EIF4G3: variants seen among roughly 807,000 people sequenced by gnomAD.
The protein encoded by EIF4G3 is eIF-4-gamma 3.
Under a neutral mutation model 186.4 loss-of-function variants are expected in EIF4G3, and 34 were observed. The ratio of observed to expected loss-of-function variants is 0.18; its 90% CI spans 0.14 to 0.24. The LOEUF (loss-of-function observed/expected upper bound fraction) is 0.24. Ranked by LOEUF, EIF4G3 falls within the 10% of genes least tolerant of loss-of-function variation. The pLI, the probability that EIF4G3 is intolerant of heterozygous loss-of-function variation, is 1.00. For synonymous variants in EIF4G3, 673 were observed against 679.5 expected (o/e 0.99, Z 0.15); for missense variants, 1,536 against 1,948.5 (o/e 0.79, Z 3.99).
chr1:20,849,423 C>T lies in EIF4G3; in HGVS notation c.3880G>A (p.Asp1294Asn), dbSNP rs1475387650. 2 of 1,508,246 alleles carry T rather than the reference C, an allele frequency of 1.3e-6. No individual in the cohort carries two copies. The highest frequency in any genetic ancestry group is 2.9e-5 in the African/African-American group (2 of 70,052). 93.4% of individuals were successfully genotyped at this position (1,508,246 alleles called of 1,614,324 possible). ...SIIDEFLHIN[D>N]FKEAMQCVEE... Reference sequence around the variant, plus strand: ...TTTTTAATCTCATTTACCTTAAAATCATTAATGTGTAGAAATTCATCAATG... The same window carrying T: ...TTTTTAATCTCATTTACCTTAAAATTATTAATGTGTAGAAATTCATCAATG... The change falls in exon 29 of 37, where the codon GAT becomes AAT. Residue 1294 changes from aspartate (D) to asparagine (N), a missense_variant. Transcript: ENST00000602326.
intron 4 of EIF4G3, among the ~76,000 whole-genome samples, chr1:21,012,334 G>C (rs1419798793): frequency 6.6e-6 from 1 of 152,088 alleles, no homozygotes; most frequent in East Asian, 1.9e-4. Context: ...TTTTCCCCAA[G>C]TCTGTATAAT....
At chr1:20,828,967 C>T (rs893548118) in intron 31 of EIF4G3, among the ~76,000 whole-genome samples, 180 bp downstream of exon 31, 5 of 152,168 alleles carry the variant, frequency 3.3e-5, no homozygotes, top group African/African-American at 4.8e-5. Flanking sequence ...CAGAATATCT[C>T]AGGTGTAGAC....
At chr1:21,016,451 G>A (rs1165229394) in intron 4 of EIF4G3, among the ~76,000 whole-genome samples, 1 of 152,074 alleles carries the variant, frequency 6.6e-6, no homozygotes, top group East Asian at 1.9e-4. Flanking sequence ...TTTGAGAGGT[G>A]GAGGTGGAAG....
chr1:21,004,474 T>C (rs1570773865), intron 4 of EIF4G3, among the ~76,000 whole-genome samples: 1 of 152,220 alleles, frequency 6.6e-6, no homozygotes, highest in East Asian at 1.9e-4. Flanking sequence ...CTGAACACTG[T>C]TGTTAGTTTG....
chr1:20,985,449 A>G (rs2079240173), intron 7 of EIF4G3, among the ~76,000 whole-genome samples: 1 of 152,094 alleles, frequency 6.6e-6, no homozygotes, highest in South Asian at 2.1e-4. Context: ...TTAAAAGTAC[A>G]GGATCACTTA....
At chr1:21,078,164 C>T (rs1397385084) in intron 3 of EIF4G3, among the ~76,000 whole-genome samples, 2 of 152,136 alleles carry the variant, frequency 1.3e-5, no homozygotes, top group East Asian at 1.9e-4. Flanking sequence ...GAGATAGCTG[C>T]CACCCGTGTT....
intron 3 of EIF4G3, among the ~76,000 whole-genome samples, chr1:21,068,392 A>AAAAAAAAAAAAAAAAAAAAAC (rs2095334913): frequency 6.7e-6 from 1 of 148,466 alleles, no homozygotes; most frequent in Non-Finnish European, 1.5e-5. Context: ...AAAAAAAAAA[A>AAAAAAAAAAAAAAAAAAAAAC]AAAAAAAACA....
chr1:21,012,572 G>T (rs913889428), intron 4 of EIF4G3, among the ~76,000 whole-genome samples: 4 of 152,282 alleles, frequency 2.6e-5, no homozygotes, highest in East Asian at 3.9e-4. Context: ...AAGTACCTTT[G>T]TAAAAACTCA....
At chr1:20,916,371 C>T (rs1051662851) in intron 14 of EIF4G3, among the ~76,000 whole-genome samples, 22 of 151,098 alleles carry the variant, frequency 1.5e-4, no homozygotes, top group African/African-American at 4.1e-4. Flanking sequence ...GGCATGAACC[C>T]GGGAGGCGGA....
intron 29 of EIF4G3, among the ~76,000 whole-genome samples, chr1:20,847,117 T>C (rs2071381428): frequency 6.6e-6 from 1 of 152,180 alleles, no homozygotes. Context: ...TTATTAGCAG[T>C]TAAGATTTTG....
intron 12 of EIF4G3, among the ~76,000 whole-genome samples, chr1:20,954,272 T>G (rs1371459092): frequency 6.6e-6 from 1 of 152,046 alleles, no homozygotes; most frequent in East Asian, 1.9e-4. Flanking sequence ...GCAAGGTGGC[T>G]CACGCCTCTA....
At chr1:21,073,044 G>C (rs1274466886) in intron 3 of EIF4G3, among the ~76,000 whole-genome samples, 2 of 152,192 alleles carry the variant, frequency 1.3e-5, no homozygotes, top group African/African-American at 2.4e-5. Context: ...ACAGCTGCTA[G>C]TGGAAGCGCC....
intron 4 of EIF4G3, among the ~76,000 whole-genome samples, chr1:21,025,393 C>G (rs995645903): frequency 2.0e-5 from 3 of 151,948 alleles, no homozygotes; most frequent in Non-Finnish European, 2.9e-5. Flanking sequence ...GGATCTATTC[C>G]GACAGCCCAG....
intron 4 of EIF4G3, among the ~76,000 whole-genome samples, chr1:21,022,719 T>G (rs1283514497): frequency 1.3e-5 from 2 of 152,194 alleles, no homozygotes; most frequent in African/African-American, 4.8e-5. Context: ...GGAGGTTAAT[T>G]AGGTTGGCAT....
chr1:20,944,288 G>A (rs186884953), intron 13 of EIF4G3, among the ~76,000 whole-genome samples: 1 of 152,126 alleles, frequency 6.6e-6, no homozygotes, highest in Admixed American at 6.6e-5. Context: ...GCTGAGACGG[G>A]AGGATCTCTT....
chr1:20,960,353 C>G (rs1443245427), intron 12 of EIF4G3, among the ~76,000 whole-genome samples: 3 of 151,986 alleles, frequency 2.0e-5, no homozygotes, highest in African/African-American at 7.3e-5. Context: ...GTAATCCCAG[C>G]TACTCAGGAG....
chr1:20,949,839 T>C (rs963527024), intron 13 of EIF4G3, among the ~76,000 whole-genome samples, 164 bp downstream of exon 13: 4 of 152,188 alleles, frequency 2.6e-5, no homozygotes, highest in Admixed American at 2.6e-4. Context: ...CTACTTTAGT[T>C]TCCTAGAGGC....
At chr1:21,042,173 T>C (rs1385410559) in intron 4 of EIF4G3, among the ~76,000 whole-genome samples, 1 of 152,056 alleles carries the variant, frequency 6.6e-6, no homozygotes, top group African/African-American at 2.4e-5. Context: ...AGATGGGGTT[T>C]CCCCACATTG....
chr1:21,065,131 T>C (rs1311675328), intron 3 of EIF4G3: 1 of 152,314 alleles, frequency 6.6e-6, no homozygotes, highest in East Asian at 1.9e-4. Flanking sequence ...CTATTTTAAT[T>C]CCAAGGTATT....
Sources: gnomAD v4.1 joint callset for allele counts (sites outside exome capture counted in the v4.1 genomes callset) on GRCh38, gnomAD v4.1.1 for gene constraint, MANE v1.5 for transcripts, NCBI Gene and HGNC (gene_info 2026-07-23, HGNC 2026-07-21) for gene names.